PSMB7: variants seen among roughly 807,000 people sequenced by gnomAD.
The protein encoded by PSMB7 is proteasome subunit beta type-7.
Under a neutral mutation model 28.1 loss-of-function variants are expected in PSMB7, and 5 were observed. The observed-to-expected ratio is 0.18, with a 90% CI of 0.09 to 0.37. The LOEUF is 0.37. Ranked by LOEUF, PSMB7 falls within the 10% of genes least tolerant of loss-of-function variation. The probability of loss-of-function intolerance (pLI) is 1.00; values close to 1 mark genes in which losing one functional copy is unlikely to be tolerated. For missense variants in PSMB7, 275 were observed against 346.2 expected, an observed-to-expected ratio of 0.79 and a Z score of 1.63; for synonymous variants, 122 against 123.7, an observed-to-expected ratio of 0.99 and a Z score of 0.09.
intron 7 of PSMB7, among the ~76,000 whole-genome samples, chr9:124,354,767 C>G (rs575217197): frequency 6.6e-6 from 1 of 152,344 alleles, no homozygotes; most frequent in African/African-American, 2.4e-5. Flanking sequence ...ACGCTGGAAC[C>G]TTGGTGGCAG....
chr9:124,372,092 C>CATCATAAAT (rs1324478667), intron 6 of PSMB7, among the ~76,000 whole-genome samples: 2 of 152,188 alleles, frequency 1.3e-5, no homozygotes, highest in Non-Finnish European at 2.9e-5. Context: ...CAAAGAAATG[C>CATCATAAAT]ATCATAAATA....
At chr9:124,414,226 C>A (rs896405246) in intron 2 of PSMB7, among the ~76,000 whole-genome samples, 1 of 152,136 alleles carries the variant, frequency 6.6e-6, no homozygotes, top group Admixed American at 6.5e-5. Context: ...AAGAATTATT[C>A]CCATTTTCAA....
At chr9:124,407,073 G>C (rs920728571) in intron 4 of PSMB7, among the ~76,000 whole-genome samples, 2 of 152,184 alleles carry the variant, frequency 1.3e-5, no homozygotes, top group African/African-American at 2.4e-5. Flanking sequence ...AGCTGTGCTA[G>C]ATAAACATGC....
intron 5 of PSMB7, among the ~76,000 whole-genome samples, chr9:124,395,095 T>G (rs1830826783): frequency 6.6e-6 from 1 of 152,202 alleles, no homozygotes; most frequent in African/African-American, 2.4e-5. Flanking sequence ...AAAAGACTTT[T>G]ATGTTTGGTA....
rs374256557 is a variant in PSMB7, at chr9:124,396,956, TC to T, written c.511+8360del. On this transcript the variant is annotated intron_variant, in intron 5 of 7. Coordinates refer to ENST00000259457, the MANE Select transcript of PSMB7 (RefSeq NM_002799.4). ...TCCCTTTCCTAATAAAGTCAAAAAA[TC>T]TTGCCTAGCTTTTAACAATCAAATG... 1.4e-3 allele frequency: 515 copies of T among 380,570 alleles called. 4 individuals carry two copies. Among genetic ancestry groups the T allele is most frequent in the African/African-American group, 9.8e-3 (462 of 47,004 alleles). The allele number at this position is 380,570 out of a possible 1,614,324, so 23.6% of individuals were successfully genotyped here.
At chr9:124,362,256 G>A (rs1020017303) in intron 6 of PSMB7, among the ~76,000 whole-genome samples, 1 of 152,208 alleles carries the variant, frequency 6.6e-6, no homozygotes, top group Non-Finnish European at 1.5e-5. Flanking sequence ...TATTGTTTAT[G>A]TAGCTGAAGA....
chr9:124,415,263 G>T, intron 1 of PSMB7, 101 bp downstream of exon 1: 1 of 1,308,412 alleles, frequency 7.6e-7, no homozygotes. Flanking sequence ...GCCCCGCCAT[G>T]AATTCTTCCC....
intron 5 of PSMB7, among the ~76,000 whole-genome samples, chr9:124,388,495 T>G (rs970589692): frequency 3.9e-5 from 6 of 152,232 alleles, no homozygotes; most frequent in Non-Finnish European, 7.3e-5. Flanking sequence ...TTAGGTCATT[T>G]CATCATCCTC....
intron 7 of PSMB7, 124 bp from the exon 8 acceptor site, chr9:124,353,833 C>T (rs530966102): frequency 9.6e-5 from 69 of 719,140 alleles, no homozygotes; most frequent in South Asian, 8.5e-4. Flanking sequence ...TTGGCTCTCC[C>T]GATCCCAGCT....
rs1380959349 is a variant in PSMB7 at position 124,356,016 on chromosome 9, G to C, written c.722+748C>G. Among the ~76,000 whole-genome samples the C allele has an allele frequency of 6.6e-6, 1 of 152,150 alleles. No homozygotes were observed. Among genetic ancestry groups the C allele is most frequent in the Non-Finnish European group, 1.5e-5 (1 of 68,028 alleles). ...GGGAGCCGTAGTTTATAAATGCCCT[G>C]TGCTGCACCCAGATGCTGCAGCTGG... On this transcript the variant is annotated intron_variant, in intron 7 of 7. Coordinates refer to ENST00000259457, the MANE Select transcript of PSMB7 (RefSeq NM_002799.4). The surrounding 1 kb of genome is among the most constrained non-coding windows in gnomAD (Gnocchi z 4.4).
At chr9:124,407,232 T>C (rs757880370) in intron 4 of PSMB7, among the ~76,000 whole-genome samples, 1 of 152,366 alleles carries the variant, frequency 6.6e-6, no homozygotes, top group East Asian at 1.9e-4. Context: ...GTCTGAGACA[T>C]GGCCACACAT....
rs540665126 is a variant in PSMB7, at chr9:124,357,205, A to G, written c.571-290T>C. Among the ~76,000 whole-genome samples the G allele has an allele frequency of 2.0e-5, 3 of 152,292 alleles. No homozygotes were observed. The East Asian group carries it at 5.8e-4, about 29-fold the overall frequency. ...TAGAGGGTTAGTAACTTATCTTTAA[A>G]AGGGCCAGGTAGTAAATATTTTAGG... On this transcript the variant is annotated intron_variant, in intron 6 of 7. Transcript: ENST00000259457.
At chr9:124,401,927 G>C (rs1295452669) in intron 5 of PSMB7, among the ~76,000 whole-genome samples, 1 of 151,746 alleles carries the variant, frequency 6.6e-6, no homozygotes, top group Non-Finnish European at 1.5e-5. Context: ...GCTGAGGCAG[G>C]AGAATCACTT....
intron 5 of PSMB7, among the ~76,000 whole-genome samples, chr9:124,404,975 T>C (rs1352125983): frequency 1.3e-5 from 2 of 152,156 alleles, no homozygotes; most frequent in Admixed American, 6.5e-5. Context: ...AATACACAGG[T>C]TGTATAACCT....
At position 124,415,395 on chromosome 9, in the gene PSMB7, C is replaced by T. The variant is rs748250503; in HGVS notation, c.31G>A (p.Val11Ile). The part of the protein sequence containing the change: MAAVSVYAPP[V>I]GGFSFDNCRR... ...CAGTTATCAAAAGAGAAGCCTCCAA[C>T]TGGTGGAGCATACACCGACACAGCC... The change falls in exon 1 of 8, where the codon GTT becomes ATT. Residue 11 changes from valine to isoleucine, a missense_variant. This residue lies in a region of PSMB7 where 62 missense variants were observed against 43.9 expected (regional missense o/e 1.41). Transcript: ENST00000259457. 4 of 1,614,194 alleles carry T rather than the reference C, an allele frequency of 2.5e-6. No individual in the cohort carries two copies. The highest frequency in any genetic ancestry group is 3.3e-5 in the Admixed American group (2 of 60,026).
intron 2 of PSMB7, among the ~76,000 whole-genome samples, chr9:124,414,309 G>A (rs1335577215): frequency 1.3e-5 from 2 of 152,212 alleles, no homozygotes; most frequent in African/African-American, 4.8e-5. Context: ...TAAGACTCAG[G>A]AATCTTTCCA....
At chr9:124,405,629 T>A (rs77255967) in intron 4 of PSMB7, among the ~76,000 whole-genome samples, 197 bp from the exon 5 acceptor site, 2 of 152,168 alleles carry the variant, frequency 1.3e-5, no homozygotes, top group Non-Finnish European at 2.9e-5. Flanking sequence ...GTATAAACTA[T>A]AAATTATGTG....
intron 6 of PSMB7, among the ~76,000 whole-genome samples, chr9:124,369,835 G>A (rs747616632): frequency 6.6e-5 from 10 of 152,152 alleles, no homozygotes; most frequent in Non-Finnish European, 1.5e-4. Flanking sequence ...ATTTGAGGTG[G>A]CTTTATAGTC....
intron 5 of PSMB7, among the ~76,000 whole-genome samples, chr9:124,400,917 TAATAC>T (rs1830897169): frequency 6.6e-6 from 1 of 152,220 alleles, no homozygotes; most frequent in Non-Finnish European, 1.5e-5. Context: ...TGTAGCCACA[TAATAC>T]AATTCTGTAC....
Sources: gnomAD v4.1 joint callset for allele counts (sites outside exome capture counted in the v4.1 genomes callset) on GRCh38, gnomAD v4.1.1 for gene constraint, gnomAD v4.1.1 regional missense constraint, Gnocchi (gnomAD v3.1) non-coding constraint, MANE v1.5 for transcripts, NCBI Gene and HGNC (gene_info 2026-07-23, HGNC 2026-07-21) for gene names.